SLC12A8: variants seen among roughly 807,000 people sequenced by gnomAD.
The protein encoded by SLC12A8 is solute carrier family 12 member 8.
SLC12A8 carries 69 observed loss-of-function variants against 75.6 expected under a neutral mutation model. The ratio of observed to expected loss-of-function variants is 0.91; its 90% CI spans 0.75 to 1.11. SLC12A8 has a LOEUF of 1.11. SLC12A8 is among the 50% of genes most tolerant of loss of function. The pLI, the probability that SLC12A8 is intolerant of heterozygous loss-of-function variation, is 0.00. For synonymous variants in SLC12A8, 365 were observed against 372.8 expected (o/e 0.98, Z 0.24); for missense variants, 877 against 896.7 (o/e 0.98, Z 0.28).
In SLC12A8 at chr3:125,110,238, C is replaced by T. The variant is rs1170080780; in HGVS notation, c.1010G>A (p.Cys337Tyr). The change falls in exon 9 of 14, where the codon TGC (cysteine) becomes TAC (tyrosine). Residue 337 changes from cysteine to tyrosine, a missense_variant. Cys to Tyr is a radical substitution (Grantham distance 194). Transcript: ENST00000469902. ...GLYGAPRILQ[C>Y]IAQEKVIPAL... is the part of the protein sequence containing the mutation. Reference sequence around the variant, plus strand: ...AGGGATCACTTTCTCCTGGGCAATGCACTGCAGGATGCGGGGAGCTCCATA... The same window carrying T: ...AGGGATCACTTTCTCCTGGGCAATGTACTGCAGGATGCGGGGAGCTCCATA... 8.7e-6 allele frequency: 14 copies of T among 1,613,928 alleles called. No individual in the cohort carries two copies. The highest frequency in any genetic ancestry group is 1.7e-5 in the Admixed American group (1 of 60,010).
At chr3:125,197,662 G>A (rs1255940695) in intron 2 of SLC12A8, among the ~76,000 whole-genome samples, 1 of 152,198 alleles carries the variant, frequency 6.6e-6, no homozygotes, top group Non-Finnish European at 1.5e-5. Context: ...GGCTGGAAGA[G>A]CAACTGGAAT....
chr3:125,211,582 C>G (rs1935338145), intron 1 of SLC12A8, among the ~76,000 whole-genome samples, 188 bp from the exon 2 acceptor site: 1 of 152,164 alleles, frequency 6.6e-6, no homozygotes, highest in Admixed American at 6.5e-5. Flanking sequence ...CCCGCTGGTC[C>G]TTCAGTGCCC....
At chr3:125,105,550 A>T (rs1939001714) in intron 10 of SLC12A8, among the ~76,000 whole-genome samples, 1 of 152,254 alleles carries the variant, frequency 6.6e-6, no homozygotes, top group African/African-American at 2.4e-5. Context: ...CAAGGCAATT[A>T]TTAATTCCAG....
chr3:125,176,022 A>G (rs1934519358), intron 5 of SLC12A8, among the ~76,000 whole-genome samples: 1 of 152,208 alleles, frequency 6.6e-6, no homozygotes. Context: ...GCTCAGAAGT[A>G]GTAAGGCCAG....
intron 2 of SLC12A8, among the ~76,000 whole-genome samples, chr3:125,204,834 G>A (rs1935195931): frequency 6.6e-6 from 1 of 152,088 alleles, no homozygotes; most frequent in Non-Finnish European, 1.5e-5. Flanking sequence ...AATATCATAT[G>A]TACCCCCATA....
intron 5 of SLC12A8, among the ~76,000 whole-genome samples, chr3:125,146,391 C>T (rs533496964): frequency 7.2e-5 from 11 of 152,086 alleles, no homozygotes; most frequent in Non-Finnish European, 1.5e-4. Flanking sequence ...CTAATGCCAC[C>T]GAATTGTACA....
At chr3:125,152,332 C>T (rs1933945558) in intron 5 of SLC12A8, among the ~76,000 whole-genome samples, 2 of 152,218 alleles carry the variant, frequency 1.3e-5, no homozygotes, top group South Asian at 2.1e-4. Flanking sequence ...ATTCCTCATA[C>T]CACGATCACC....
chr3:125,167,078 G>A (rs1446874093), intron 5 of SLC12A8, among the ~76,000 whole-genome samples: 3 of 152,106 alleles, frequency 2.0e-5, no homozygotes, highest in East Asian at 1.9e-4. Context: ...CATTAAATTC[G>A]GGTGGTGGAT....
chr3:125,181,576 C>A (rs1934660078), intron 4 of SLC12A8, among the ~76,000 whole-genome samples: 1 of 139,392 alleles, frequency 7.2e-6, no homozygotes, highest in South Asian at 2.3e-4. Context: ...AGTCCGCAGT[C>A]CGGCCTGGGC....
chr3:125,163,584 G>A (rs1934221525), intron 5 of SLC12A8, among the ~76,000 whole-genome samples: 3 of 145,446 alleles, frequency 2.1e-5, no homozygotes, highest in Admixed American at 6.9e-5. Flanking sequence ...GGGCAACAGA[G>A]CGAGACTCTG....
At chr3:125,149,121 C>G (rs1190591241) in intron 5 of SLC12A8, among the ~76,000 whole-genome samples, 1 of 152,220 alleles carries the variant, frequency 6.6e-6, no homozygotes, top group Non-Finnish European at 1.5e-5. Context: ...GGCATCCATA[C>G]CCGGAACGCC....
chr3:125,135,403 G>A (rs1224944003), intron 6 of SLC12A8, among the ~76,000 whole-genome samples: 1 of 152,134 alleles, frequency 6.6e-6, no homozygotes, highest in African/African-American at 2.4e-5. Context: ...TCATATCGAA[G>A]GCCTTCAGTA....
intron 1 of SLC12A8, among the ~76,000 whole-genome samples, chr3:125,211,971 C>T (rs1935345452): frequency 6.6e-6 from 1 of 152,090 alleles, no homozygotes. Context: ...AGGCACCCTC[C>T]CCTTCGCGCT....
Position 125,092,083 on chromosome 3 carries a change from C to T in SLC12A8, c.1803+18G>A. 6.4e-7 allele frequency: 1 copy of T among 1,566,926 alleles called. No individual in the cohort carries two copies. ...ACTCTGTCCCAAGAACAACTGAGAT[C>T]AAGATGAAGTTACTCACCCCCAACA... is the stretch of plus-strand genomic sequence containing the variant. On this transcript the variant is annotated intron_variant, in intron 11 of 13. Transcript: ENST00000469902.
intron 5 of SLC12A8, among the ~76,000 whole-genome samples, chr3:125,168,031 C>A (rs549977669): frequency 6.6e-6 from 1 of 152,058 alleles, no homozygotes; most frequent in Non-Finnish European, 1.5e-5. Flanking sequence ...AGTGATCTGG[C>A]TTCAGTGCAT....
intron 2 of SLC12A8, among the ~76,000 whole-genome samples, chr3:125,197,086 T>A (rs971531646): frequency 1.3e-5 from 2 of 152,052 alleles, no homozygotes; most frequent in African/African-American, 2.4e-5. Flanking sequence ...ACGTACAAAA[T>A]GAGTCTGGAA....
At chr3:125,133,803 G>T (rs2981509) in intron 6 of SLC12A8, among the ~76,000 whole-genome samples, 11,187 of 151,940 alleles carry the variant, frequency 0.074, 494 homozygotes, top group Admixed American at 0.095. Flanking sequence ...AAACTCCTGA[G>T]CTTGAGGGAT....
intron 5 of SLC12A8, among the ~76,000 whole-genome samples, chr3:125,145,250 G>A (rs760524415): frequency 6.6e-6 from 1 of 152,142 alleles, no homozygotes; most frequent in Non-Finnish European, 1.5e-5. Flanking sequence ...TTACTGGCTG[G>A]CTACTTGCCT....
intron 5 of SLC12A8, among the ~76,000 whole-genome samples, chr3:125,159,237 TC>T (rs944156781): frequency 3.3e-5 from 5 of 152,112 alleles, no homozygotes; most frequent in African/African-American, 1.2e-4. Context: ...TTTCGTTCCC[TC>T]CCCACATCCT....
Sources: gnomAD v4.1 joint callset for allele counts (sites outside exome capture counted in the v4.1 genomes callset) on GRCh38, gnomAD v4.1.1 for gene constraint, MANE v1.5 for transcripts, NCBI Gene and HGNC (gene_info 2026-07-23, HGNC 2026-07-21) for gene names.